Variants in OXTR observed in about 807,000 individuals in gnomAD.
OXTR encodes oxytocin receptor.
OXTR carries 19 observed loss-of-function variants against 23.9 expected under a neutral mutation model. The ratio of observed to expected loss-of-function variants is 0.80; its 90% CI spans 0.56 to 1.17. The LOEUF (loss-of-function observed/expected upper bound fraction) is 1.17, where lower values mean the gene tolerates loss of function less well. OXTR is among the 50% of genes most tolerant of loss of function. The probability of loss-of-function intolerance (pLI) is 0.00; values close to 1 mark genes in which losing one functional copy is unlikely to be tolerated. For missense variants in OXTR, 500 were observed against 550.7 expected (o/e 0.91, Z 0.92); for synonymous variants, 278 against 250.5 (o/e 1.11, Z -1.04).
rs201783145 is a variant in OXTR, at chr3:8,751,817, T to G, written c.*1160A>C. Reference sequence around the variant, plus strand: ...GGAAGTGTGAATCCACCAACTTTGTTCTTTTTCAAGGCTTATTTGGATATT... The same window carrying G: ...GGAAGTGTGAATCCACCAACTTTGTGCTTTTTCAAGGCTTATTTGGATATT... On this transcript the variant is annotated 3_prime_UTR_variant, in exon 4 of 4. Coordinates refer to ENST00000316793, the MANE Select transcript of OXTR (RefSeq NM_000916.4). 2 of 152,238 alleles carry G rather than the reference T, an allele frequency of 1.3e-5. No homozygotes were observed. The highest frequency in any genetic ancestry group is 2.9e-5 in the Non-Finnish European group (2 of 68,040). 9.4% of individuals were successfully genotyped at this position (152,238 alleles called of 1,614,324 possible).
chr3:8,761,072 C>T (rs973434338), intron 3 of OXTR, among the ~76,000 whole-genome samples: 1 of 152,186 alleles, frequency 6.6e-6, no homozygotes, highest in African/African-American at 2.4e-5. Context: ...AATATCCTAC[C>T]ATGCACAGAA....
the OXTR span, among the ~76,000 whole-genome samples, chr3:8,745,283 T>C: frequency 6.6e-6 from 1 of 152,166 alleles, no homozygotes; most frequent in Non-Finnish European, 1.5e-5. The surrounding 1 kb of genome is among the most constrained non-coding windows in gnomAD (Gnocchi z 4.8). Context: ...GCCAAGCAGA[T>C]GCCAGCACCA....
At chr3:8,755,084 ACT>A (rs900695086) in intron 3 of OXTR, among the ~76,000 whole-genome samples, 88 of 152,286 alleles carry the variant, frequency 5.8e-4, no homozygotes, top group African/African-American at 1.9e-3. Context: ...AAGTTTAGAA[ACT>A]CTGATGGAAT....
In OXTR at chr3:8,767,927, C is replaced by T. The variant is rs1260580717; in HGVS notation, c.261G>A (p.Val87=). The part of the protein sequence containing the change: ...FMKHLSIADL[V]VAVFQVLPQL... ...GCGGCAGCACCTGAAACACTGCCAC[C>T]ACCAGGTCGGCGATGCTTAGGTGCT... Residue 87 remains valine (V), a synonymous_variant, in exon 3 of 4, where the codon GTG becomes GTA. Transcript: ENST00000316793. 1.2e-6 allele frequency: 2 copies of T among 1,613,434 alleles called. No individual in the cohort carries two copies. The highest frequency in any genetic ancestry group is 1.7e-6 in the Non-Finnish European group (2 of 1,179,832).
At chr3:8,746,198 C>T (rs1228185044), downstream of OXTR, 1 of 253,584 alleles carries the variant, frequency 3.9e-6, no homozygotes, top group African/African-American at 2.2e-5. Context: ...CCGGGGCCAA[C>T]CTCTCCACGC....
rs868112599 is a variant in OXTR, at chr3:8,768,078, G to A, written c.110C>T (p.Ala37Val). Residue 37 changes from alanine to valine, a missense_variant, in exon 3 of 4, where the codon GCC becomes GTC. Transcript: ENST00000316793. The surrounding 1 kb of genome is among the most constrained non-coding windows in gnomAD (Gnocchi z 5.4). Reference protein sequence around the residue: ...RTAGPPRRNEALARVEVAVLC... With the variant: ...RTAGPPRRNEVLARVEVAVLC... ...CACCGCCACCTCCACGCGCGCCAGGGCCTCGTTGCGCCGCGGGGGTCCGGC... is the reference window on the plus strand; with the variant it reads ...CACCGCCACCTCCACGCGCGCCAGGACCTCGTTGCGCCGCGGGGGTCCGGC... 1.3e-6 allele frequency: 2 copies of A among 1,494,688 alleles called. No individual in the cohort carries two copies. Among genetic ancestry groups the A allele is most frequent in the Non-Finnish European group, 1.8e-6 (2 of 1,123,518 alleles). 92.6% of individuals were successfully genotyped at this position (1,494,688 alleles called of 1,614,324 possible).
Position 8,767,468 on chromosome 3 carries a change from C to T in OXTR, c.720G>A (p.Ala240=), listed in dbSNP as rs373066238. 8.2e-5 allele frequency: 132 copies of T among 1,600,946 alleles called. No homozygotes were observed. The highest frequency in any genetic ancestry group is 7.1e-5 in the Non-Finnish European group (83 of 1,174,000). The part of the protein sequence containing the change: ...NLRLKTAAAA[A]AEAPEGAAAG... ...CCGCCGCGCCCTCTGGCGCCTCGGC[C>T]GCCGCCGCTGCAGCGGTCTTGAGCC... The change falls in exon 3 of 4, where the codon GCG becomes GCA. Residue 240 remains alanine, a synonymous_variant. Coordinates refer to ENST00000316793, the MANE Select transcript of OXTR (RefSeq NM_000916.4).
downstream of OXTR, among the ~76,000 whole-genome samples, chr3:8,750,117 C>G (rs1055587509): frequency 1.3e-5 from 2 of 152,166 alleles, no homozygotes; most frequent in African/African-American, 4.8e-5. Context: ...AACATGTTCA[C>G]TAGGTAAGAA....
In OXTR at chr3:8,768,204, G is replaced by A. The variant is rs552732862; in HGVS notation, c.-17C>T. On this transcript the variant is annotated 5_prime_UTR_variant, in exon 3 of 4. Transcript: ENST00000316793. The surrounding 1 kb of genome is among the most constrained non-coding windows in gnomAD (Gnocchi z 5.4). ...GCCCTCCATGACCCTGGCGGCAGCG[G>A]TGCGCCCCGGCCTTCGAGCCCTTTA... The A allele has an allele frequency of 1.2e-4, 150 of 1,281,998 alleles. 3 individuals are homozygous for A. In the Admixed American group the frequency reaches 6.0e-3, roughly 51 times the overall value. 79.4% of individuals were successfully genotyped at this position (1,281,998 alleles called of 1,614,324 possible).
Position 8,762,981 on chromosome 3 carries a change from C to T in OXTR, c.922+4285G>A, listed in dbSNP as rs189214604. On this transcript the variant is annotated intron_variant, in intron 3 of 3. Coordinates refer to ENST00000316793, the MANE Select transcript of OXTR (RefSeq NM_000916.4). Reference sequence around the variant, plus strand: ...ACGTATTTGGCAAGCACTGGTTGAGCTATCAATGACTGTGCAGCCTTGTGC... The same window carrying T: ...ACGTATTTGGCAAGCACTGGTTGAGTTATCAATGACTGTGCAGCCTTGTGC... Among the ~76,000 whole-genome samples the T allele has an allele frequency of 3.3e-5, 5 of 152,328 alleles. No homozygotes were observed. The East Asian group carries it at 9.7e-4, about 29-fold the overall frequency.
downstream of OXTR, chr3:8,745,781 T>A: frequency 6.2e-7 from 1 of 1,614,090 alleles, no homozygotes; most frequent in African/African-American, 1.3e-5. The surrounding 1 kb of genome is among the most constrained non-coding windows in gnomAD (Gnocchi z 4.8). Flanking sequence ...CTACTCACTC[T>A]GCATCCGCAC....
chr3:8,741,692 T>C, the OXTR span, among the ~76,000 whole-genome samples: 1 of 152,032 alleles, frequency 6.6e-6, no homozygotes, highest in South Asian at 2.1e-4. Flanking sequence ...AGATATCCTA[T>C]TTGAATTGTC....
chr3:8,750,529 TC>T lies in OXTR; in HGVS notation c.*2447del. 1 of 152,358 alleles carries T rather than the reference TC, an allele frequency of 6.6e-6. No homozygotes were observed. Among genetic ancestry groups the T allele is most frequent in the South Asian group, 2.1e-4 (1 of 4,832 alleles). 9.4% of individuals were successfully genotyped at this position (152,358 alleles called of 1,614,324 possible). ...AAAAGAAACCCCAAACCCTTAGTAGTCATGCCTCATCTCTCACAGCCTCCAG... is the reference window on the plus strand; with the variant it reads ...AAAAGAAACCCCAAACCCTTAGTAGTATGCCTCATCTCTCACAGCCTCCAG... On this transcript the variant is annotated 3_prime_UTR_variant, in exon 4 of 4. Coordinates refer to ENST00000316793, the MANE Select transcript of OXTR (RefSeq NM_000916.4).
intron 3 of OXTR, among the ~76,000 whole-genome samples, chr3:8,755,827 T>C (rs1056992764): frequency 2.0e-5 from 3 of 152,218 alleles, no homozygotes; most frequent in Non-Finnish European, 4.4e-5. Flanking sequence ...GGAGATCTAT[T>C]TGGAACACAA....
chr3:8,745,892 C>T (rs760529030), downstream of OXTR: 10 of 1,592,040 alleles, frequency 6.3e-6, no homozygotes, highest in Admixed American at 1.7e-5. This position sits in a 1 kb window ranked among gnomAD's most constrained non-coding sequence, Gnocchi z 4.8. Context: ...ACAGCGGTGG[C>T]AGGGCAGGGG....
At chr3:8,745,534 T>C (rs13087941), downstream of OXTR, 358,479 of 1,612,768 alleles carry the variant, frequency 0.22, 43,715 homozygotes, top group African/African-American at 0.29. This position sits in a 1 kb window ranked among gnomAD's most constrained non-coding sequence, Gnocchi z 4.8. Context: ...AGGTGGATTT[T>C]GAAGACGTGA....
chr3:8,752,903 C>A lies in OXTR; in HGVS notation c.*74G>T, dbSNP rs1480360698. The A allele has an allele frequency of 6.8e-7, 1 of 1,464,516 alleles. No individual in the cohort carries two copies. The highest frequency in any genetic ancestry group is 9.1e-7 in the Non-Finnish European group (1 of 1,093,998). 90.7% of individuals were successfully genotyped at this position (1,464,516 alleles called of 1,614,324 possible). A position where few individuals can be genotyped will look rare whatever the true frequency, so the allele number is the denominator to read the frequency against. On this transcript the variant is annotated 3_prime_UTR_variant, in exon 4 of 4. Transcript: ENST00000316793. ...AGGTACCTTATACACAAACATACGC[C>A]ATCACCTAGGAGCAGAGCACTTATG...
At chr3:8,748,476 C>T (rs1708203721), downstream of OXTR, among the ~76,000 whole-genome samples, 1 of 152,184 alleles carries the variant, frequency 6.6e-6, no homozygotes, top group Non-Finnish European at 1.5e-5. Flanking sequence ...TGCATCTGTG[C>T]CGTAATCAGG....
At chr3:8,741,785 C>T in the OXTR span, among the ~76,000 whole-genome samples, 1 of 152,146 alleles carries the variant, frequency 6.6e-6, no homozygotes, top group Non-Finnish European at 1.5e-5. Flanking sequence ...TGTCCTCCCC[C>T]GCATCCTCAA....
Sources: allele counts gnomAD v4.1 joint callset (sites outside exome capture counted in the v4.1 genomes callset), GRCh38; gene constraint gnomAD v4.1.1; non-coding constraint Gnocchi (gnomAD v3.1); transcripts MANE v1.5; gene names NCBI Gene and HGNC (gene_info 2026-07-23, HGNC 2026-07-21).